TNRC6B: variants seen among roughly 807,000 people sequenced by gnomAD.
The protein encoded by TNRC6B is trinucleotide repeat-containing gene 6B protein.
Under a neutral mutation model 203.6 loss-of-function variants are expected in TNRC6B, and 52 were observed. The ratio of observed to expected loss-of-function variants is 0.26; its 90% CI spans 0.20 to 0.32. TNRC6B has a LOEUF of 0.32. Among genes scored for constraint, TNRC6B ranks in the 10% least tolerant of loss-of-function variants. The pLI is 1.00. For missense variants in TNRC6B, 1,923 were observed against 2,286.2 expected, an observed-to-expected ratio of 0.84 and a Z score of 3.24; for synonymous variants, 838 against 845.7, an observed-to-expected ratio of 0.99 and a Z score of 0.16.
Position 40,177,975 on chromosome 22 carries a change from T to A in TNRC6B, c.-161T>A. 1 of 1,471,202 alleles carries A rather than the reference T, an allele frequency of 6.8e-7. No individual in the cohort carries two copies. The highest frequency in any genetic ancestry group is 8.9e-7 in the Non-Finnish European group (1 of 1,118,648). The allele number at this position is 1,471,202 out of a possible 1,614,324, so 91.1% of individuals were successfully genotyped here. A position where few individuals can be genotyped will look rare whatever the true frequency, so the allele number is the denominator to read the frequency against. ...AAGAGGGAGAGTGTGTGAGAGAGAG[T>A]TAGTTCAAGCCAAAATGGCCGACAG... On this transcript the variant is annotated 5_prime_UTR_variant, in exon 1 of 23. Transcript: ENST00000454349.
intron 2 of TNRC6B, among the ~76,000 whole-genome samples, chr22:40,118,464 C>T (rs1044278990): frequency 5.3e-5 from 8 of 152,126 alleles, no homozygotes; most frequent in African/African-American, 1.2e-4. Context: ...CAAAGAAGAA[C>T]GGTTCTACAT....
Position 40,312,837 on chromosome 22 carries a change from C to G in TNRC6B, c.4583-65C>G, listed in dbSNP as rs894855218. On this transcript the variant is annotated intron_variant, in intron 18 of 22. Coordinates refer to ENST00000454349, the MANE Select transcript of TNRC6B (RefSeq NM_001162501.2). ...TATTGAAGTTTAAACAAAATACTCTCAAGGTTTCACTGGTTATACTGACAT... is the reference window on the plus strand; with the variant it reads ...TATTGAAGTTTAAACAAAATACTCTGAAGGTTTCACTGGTTATACTGACAT... The G allele has an allele frequency of 1.1e-5, 17 of 1,516,156 alleles. No homozygotes were observed. The Admixed American group carries it at 2.8e-4, about 25-fold the overall frequency. The allele number at this position is 1,516,156 out of a possible 1,614,324, so 93.9% of individuals were successfully genotyped here. A position where few individuals can be genotyped will look rare whatever the true frequency, so the allele number is the denominator to read the frequency against.
chr22:40,161,381 A>G (rs1225803432), intron 4 of TNRC6B, among the ~76,000 whole-genome samples: 1 of 152,200 alleles, frequency 6.6e-6, no homozygotes, highest in African/African-American at 2.4e-5. Context: ...GGTAGAGCAC[A>G]TGACTAATGT....
chr22:40,069,008 T>G (rs2067922667), intron 1 of TNRC6B, among the ~76,000 whole-genome samples: 1 of 152,174 alleles, frequency 6.6e-6, no homozygotes, highest in African/African-American at 2.4e-5. Flanking sequence ...TGACCACATA[T>G]TTTTCATGGA....
At position 40,331,554 on chromosome 22, in the gene TNRC6B, T is replaced by C. The variant is rs2071465843; in HGVS notation, c.*8313T>C. 1 of 375,454 alleles carries C rather than the reference T, an allele frequency of 2.7e-6. No homozygotes were observed. The highest frequency in any genetic ancestry group is 4.8e-6 in the Non-Finnish European group (1 of 209,878). 23.3% of individuals were successfully genotyped at this position (375,454 alleles called of 1,614,324 possible). ...ACACAGGGAGGAGAGATGCTGCTTC[T>C]GCGCTTTGCTCTCATTCCTCTCTCA... On this transcript the variant is annotated 3_prime_UTR_variant, in exon 23 of 23. Transcript: ENST00000454349.
At chr22:40,278,929 C>A (rs967562649) in intron 9 of TNRC6B, among the ~76,000 whole-genome samples, 1 of 152,144 alleles carries the variant, frequency 6.6e-6, no homozygotes, top group African/African-American at 2.4e-5. Context: ...TTAGTAGGGA[C>A]GGGATTTCGC....
At position 40,310,960 on chromosome 22, in the gene TNRC6B, G is replaced by A. The variant is rs370876244; in HGVS notation, c.4402G>A (p.Gly1468Arg). 23 of 1,609,256 alleles carry A rather than the reference G, an allele frequency of 1.4e-5. No homozygotes were observed. Among genetic ancestry groups the A allele is most frequent in the Non-Finnish European group, 1.9e-5 (22 of 1,178,526 alleles). The stretch of plus-strand genomic sequence containing the variant: ...CAAATCTCCACCAACAAATAAAATC[G>A]GAAGTAAATCCAGCAATGCCAGTTG... ...PAKSPPTNKI[G>R]SKSSNASWPP... The change falls in exon 17 of 23, where the codon GGA becomes AGA. Residue 1468 changes from glycine to arginine, a missense_variant. Coordinates refer to ENST00000454349, the MANE Select transcript of TNRC6B (RefSeq NM_001162501.2).
chr22:40,070,776 AT>A (rs750997276), intron 1 of TNRC6B, among the ~76,000 whole-genome samples: 107 of 146,828 alleles, frequency 7.3e-4, no homozygotes, highest in Non-Finnish European at 7.6e-4. Flanking sequence ...TATAGCTCAG[AT>A]TTTTTTTTTT....
chr22:40,310,775 T>A (rs774144931), intron 16 of TNRC6B, 42 bp from the exon 17 acceptor site: 5 of 1,567,410 alleles, frequency 3.2e-6, no homozygotes, highest in Non-Finnish European at 4.3e-6. Flanking sequence ...GTTCTATTCA[T>A]AGGAGTTATT....
At chr22:40,118,381 A>G (rs1159038789) in intron 2 of TNRC6B, among the ~76,000 whole-genome samples, 1 of 152,226 alleles carries the variant, frequency 6.6e-6, no homozygotes, top group Non-Finnish European at 1.5e-5. Flanking sequence ...CTTTTCCTGC[A>G]CAGCTTTATG....
In TNRC6B at chr22:40,324,475, T is replaced by C. The variant is rs1220247707; in HGVS notation, c.*1234T>C. On this transcript the variant is annotated 3_prime_UTR_variant, in exon 23 of 23. Coordinates refer to ENST00000454349, the MANE Select transcript of TNRC6B (RefSeq NM_001162501.2). Reference sequence around the variant, plus strand: ...AGGTTTGAGAAATTCTTCAAAAAATTAGGTGAAGTTGAGTTACATATTTCT... The same window carrying C: ...AGGTTTGAGAAATTCTTCAAAAAATCAGGTGAAGTTGAGTTACATATTTCT... 6.6e-6 allele frequency: 1 copy of C among 152,634 alleles called. No homozygotes were observed. Among genetic ancestry groups the C allele is most frequent in the African/African-American group, 2.4e-5 (1 of 41,450 alleles). The allele number at this position is 152,634 out of a possible 1,614,324, so 9.5% of individuals were successfully genotyped here.
chr22:40,081,686 G>A (rs1271135225), intron 1 of TNRC6B, among the ~76,000 whole-genome samples: 1 of 152,046 alleles, frequency 6.6e-6, no homozygotes, highest in East Asian at 1.9e-4. Flanking sequence ...TCCTTTATAG[G>A]GTTCTTGTGA....
chr22:40,318,404 G>A (rs1265513887), intron 21 of TNRC6B, among the ~76,000 whole-genome samples: 20 of 152,094 alleles, frequency 1.3e-4, no homozygotes, highest in African/African-American at 4.3e-4. Flanking sequence ...AAAATTAGCC[G>A]GGTGTGGTGG....
intron 1 of TNRC6B, among the ~76,000 whole-genome samples, chr22:40,096,357 T>G (rs2068185936): frequency 6.6e-6 from 1 of 152,224 alleles, no homozygotes; most frequent in South Asian, 2.1e-4. Flanking sequence ...AATCTGTTAT[T>G]CCCACATAGC....
intron 1 of TNRC6B, among the ~76,000 whole-genome samples, chr22:40,052,168 A>G (rs933142198): frequency 7.9e-5 from 12 of 152,210 alleles, no homozygotes; most frequent in Non-Finnish European, 1.6e-4. Context: ...GGACCCCAAG[A>G]TCAAAGGGGG....
chr22:40,131,198 G>C (rs142015641), intron 3 of TNRC6B, among the ~76,000 whole-genome samples: 5,288 of 152,174 alleles, frequency 0.035, 277 homozygotes, highest in African/African-American at 0.11. Context: ...GGGATTACAG[G>C]CTGAGCCACT....
At chr22:40,064,337 C>T (rs1053810634) in intron 1 of TNRC6B, among the ~76,000 whole-genome samples, 1 of 150,310 alleles carries the variant, frequency 6.7e-6, no homozygotes, top group Non-Finnish European at 1.5e-5. Flanking sequence ...CCACTATGAT[C>T]TTCAGTCATT....
intron 3 of TNRC6B, chr22:40,156,039 G>A: frequency 1.5e-6 from 2 of 1,362,156 alleles, no homozygotes; most frequent in Non-Finnish European, 2.0e-6. Flanking sequence ...GTTCTGCACA[G>A]GGCAGGTGTG....
In TNRC6B at chr22:40,265,348, C is replaced by G. The variant is rs1206952716; in HGVS notation, c.1118C>G (p.Pro373Arg). Residue 373 changes from proline to arginine, a missense_variant, in exon 5 of 23, where the codon CCA becomes CGA. Pro to Arg is a moderately radical substitution (Grantham distance 103, BLOSUM62 -2). This residue lies in a region of TNRC6B where 614 missense variants were observed against 587.7 expected (regional missense o/e 1.04). Transcript: ENST00000454349. ...EQAQIHNTDGPKNGNTNSLNL... is the reference protein window; with the variant it reads ...EQAQIHNTDGRKNGNTNSLNL... ...GCTCAAATTCATAACACTGATGGAC[C>G]AAAAAATGGAAACACTAACTCCTTG... is the stretch of plus-strand genomic sequence containing the variant. 1 of 1,613,776 alleles carries G rather than the reference C, an allele frequency of 6.2e-7. No homozygotes were observed. The highest frequency in any genetic ancestry group is 1.7e-5 in the Admixed American group (1 of 60,000).
Sources: gnomAD v4.1 joint callset for allele counts (sites outside exome capture counted in the v4.1 genomes callset) on GRCh38, gnomAD v4.1.1 for gene constraint, gnomAD v4.1.1 regional missense constraint, MANE v1.5 for transcripts, NCBI Gene and HGNC (gene_info 2026-07-23, HGNC 2026-07-21) for gene names.